The following SMAP1 variants were observed in gnomAD, a reference collection of about 807,000 sequenced individuals.
SMAP1 encodes small ArfGAP 1, also known as stromal membrane-associated protein 1.
In SMAP1, 24 loss-of-function variants were observed where a neutral mutation model predicts 58.5. The ratio of observed to expected loss-of-function variants is 0.41; its 90% CI spans 0.30 to 0.58. SMAP1 has a LOEUF of 0.58. Among genes scored for constraint, SMAP1 ranks in the 20% least tolerant of loss-of-function variants. SMAP1 has a pLI of 0.29. For synonymous variants in SMAP1, 216 were observed against 196.6 expected, an observed-to-expected ratio of 1.10 and a Z score of -0.82; for missense variants, 563 against 566.3, an observed-to-expected ratio of 0.99 and a Z score of 0.06.
chr6:70,797,419 T>G (rs1449454287), intron 5 of SMAP1, among the ~76,000 whole-genome samples: 3 of 152,130 alleles, frequency 2.0e-5, no homozygotes, highest in African/African-American at 7.2e-5. Context: ...AAAGCTCCTG[T>G]GTGACTCTGT....
chr6:70,812,293 C>T (rs1185056573), intron 6 of SMAP1, among the ~76,000 whole-genome samples: 4 of 152,112 alleles, frequency 2.6e-5, no homozygotes, highest in Non-Finnish European at 5.9e-5. Context: ...CAGAAATTAG[C>T]GTTTTCTTAA....
At chr6:70,668,620 G>A in intron 1 of SMAP1, 1 of 1,535,826 alleles carries the variant, frequency 6.5e-7, no homozygotes, top group South Asian at 1.2e-5. Context: ...CGGATTCTTG[G>A]TCTCCTAGAT....
At chr6:70,671,525 C>A (rs181457716) in intron 1 of SMAP1, among the ~76,000 whole-genome samples, 77 of 152,212 alleles carry the variant, frequency 5.1e-4, no homozygotes, top group African/African-American at 1.6e-3. Flanking sequence ...TTGCAGTGAG[C>A]CGAGATCGCG....
intron 3 of SMAP1, among the ~76,000 whole-genome samples, chr6:70,766,865 C>A (rs1218695518): frequency 6.6e-6 from 1 of 151,958 alleles, no homozygotes; most frequent in African/African-American, 2.4e-5. Context: ...TCTTCCAGGG[C>A]TTTTATGGTT....
intron 7 of SMAP1, among the ~76,000 whole-genome samples, chr6:70,851,200 G>A (rs1375233987): frequency 6.6e-6 from 1 of 152,070 alleles, no homozygotes; most frequent in East Asian, 1.9e-4. Context: ...ACACTCTTTT[G>A]TAAATTAAAT....
chr6:70,761,656 C>T (rs969907981), intron 3 of SMAP1, among the ~76,000 whole-genome samples: 5 of 151,916 alleles, frequency 3.3e-5, no homozygotes, highest in African/African-American at 1.2e-4. Flanking sequence ...AGTGATTTGC[C>T]TATCAGAATA....
At chr6:70,797,053 T>A (rs1431397505) in intron 5 of SMAP1, among the ~76,000 whole-genome samples, 1 of 152,180 alleles carries the variant, frequency 6.6e-6, no homozygotes, top group Non-Finnish European at 1.5e-5. Context: ...CTTTTATTAA[T>A]GGCTAATAAA....
intron 8 of SMAP1, among the ~76,000 whole-genome samples, chr6:70,853,866 C>G (rs1167596178): frequency 6.6e-6 from 1 of 152,158 alleles, no homozygotes; most frequent in Non-Finnish European, 1.5e-5. Flanking sequence ...TATTTGACAA[C>G]CAGAATGTGA....
chr6:70,819,950 TA>T (rs1258018078), intron 6 of SMAP1, among the ~76,000 whole-genome samples: 1 of 152,200 alleles, frequency 6.6e-6, no homozygotes, highest in Non-Finnish European at 1.5e-5. Context: ...TTCCTGCCCA[TA>T]AGGCTCTATA....
intron 6 of SMAP1, among the ~76,000 whole-genome samples, chr6:70,812,453 C>T (rs1769432862): frequency 6.6e-6 from 1 of 152,184 alleles, no homozygotes; most frequent in Non-Finnish European, 1.5e-5. Flanking sequence ...TCTTGAGCCA[C>T]AGAAACCATT....
chr6:70,845,380 T>C (rs1224256221), intron 7 of SMAP1, among the ~76,000 whole-genome samples: 2 of 152,242 alleles, frequency 1.3e-5, no homozygotes, highest in Non-Finnish European at 2.9e-5. Context: ...AGAATTATCA[T>C]TGAGGGAAAA....
intron 3 of SMAP1, chr6:70,772,829 A>G (rs561670380): frequency 2.6e-5 from 4 of 152,740 alleles, no homozygotes; most frequent in African/African-American, 9.6e-5. Context: ...GGAAAAGAAC[A>G]TAGATGTTGG....
intron 1 of SMAP1, among the ~76,000 whole-genome samples, chr6:70,725,248 CT>C (rs1198340725): frequency 2.3e-4 from 35 of 151,854 alleles, no homozygotes; most frequent in African/African-American, 8.2e-4. Flanking sequence ...TCCCGAGTAG[CT>C]GGGACTACAG....
chr6:70,732,846 T>TA (rs1178982561), intron 2 of SMAP1, among the ~76,000 whole-genome samples: 1 of 152,098 alleles, frequency 6.6e-6, no homozygotes, highest in Non-Finnish European at 1.5e-5. Flanking sequence ...AAAGATAAAA[T>TA]AAAAAACCAC....
At chr6:70,795,478 G>A (rs1319789834) in intron 5 of SMAP1, among the ~76,000 whole-genome samples, 1 of 152,138 alleles carries the variant, frequency 6.6e-6, no homozygotes, top group Non-Finnish European at 1.5e-5. Context: ...TTCATAAAAC[G>A]ATACATCTTT....
At chr6:70,830,774 A>G (rs920201768) in intron 6 of SMAP1, among the ~76,000 whole-genome samples, 10 of 152,190 alleles carry the variant, frequency 6.6e-5, no homozygotes, top group African/African-American at 2.4e-4. Flanking sequence ...CATTTTGGAA[A>G]TCTGTTGTTC....
At chr6:70,769,881 T>C (rs942742185) in intron 3 of SMAP1, among the ~76,000 whole-genome samples, 14 of 152,086 alleles carry the variant, frequency 9.2e-5, no homozygotes, top group African/African-American at 3.1e-4. Flanking sequence ...GTTTTTGCAG[T>C]GGCTGGTACC....
intron 2 of SMAP1, among the ~76,000 whole-genome samples, chr6:70,748,936 A>C (rs901835686): frequency 6.6e-6 from 1 of 152,094 alleles, no homozygotes; most frequent in African/African-American, 2.4e-5. Flanking sequence ...TCCTTACAAA[A>C]ATCTTTTGAC....
At chr6:70,858,446 T>TA (rs1310352382) in intron 10 of SMAP1, 115 of 427,036 alleles carry the variant, frequency 2.7e-4, no homozygotes, top group Middle Eastern at 1.3e-3. Context: ...GAGTATTCTG[T>TA]AAAAAAAAGG....
Sources: gnomAD v4.1 joint callset for allele counts (sites outside exome capture counted in the v4.1 genomes callset) on GRCh38, gnomAD v4.1.1 for gene constraint, MANE v1.5 for transcripts, NCBI Gene and HGNC (gene_info 2026-07-23, HGNC 2026-07-21) for gene names.